Variants in PMM2 observed in about 807,000 individuals in gnomAD.
PMM2 encodes the protein phosphomannomutase 2, also known as mannose-6-phosphate isomerase.
Under a neutral mutation model 33.2 loss-of-function variants are expected in PMM2, and 35 were observed. The observed-to-expected ratio is 1.06, with a 90% CI of 0.81 to 1.40. PMM2 has a LOEUF of 1.40. Ranked by LOEUF, PMM2 falls within the 40% of genes most tolerant of loss-of-function variation. PMM2 has a pLI of 0.00. For synonymous variants in PMM2, 153 were observed against 114.7 expected (o/e 1.33, Z -2.13); for missense variants, 386 against 306.0 (o/e 1.26, Z -1.95).
At position 8,847,749 on chromosome 16, in the gene PMM2, C is replaced by G. The variant is rs993974593; in HGVS notation, c.665C>G (p.Thr222Arg). 1.9e-6 allele frequency: 3 copies of G among 1,613,874 alleles called. No individual in the cohort carries two copies. The highest frequency in any genetic ancestry group is 1.7e-6 in the Non-Finnish European group (2 of 1,179,774). ...GGTGGCAATGACCATGAGATCTTCACAGACCCCAGAACCATGGGCTACTCC... is the reference window on the plus strand; with the variant it reads ...GGTGGCAATGACCATGAGATCTTCAGAGACCCCAGAACCATGGGCTACTCC... Reference protein sequence around the residue: ...MPGGNDHEIFTDPRTMGYSVT... With the variant: ...MPGGNDHEIFRDPRTMGYSVT... Residue 222 changes from threonine (T) to arginine (R), a missense_variant, in exon 8 of 8, where the codon ACA becomes AGA. Physicochemically the swap from Thr to Arg is moderately conservative, Grantham distance 71 (BLOSUM62 -1). Transcript: ENST00000268261.
At position 8,802,067 on chromosome 16, in the gene PMM2, T is replaced by A. The variant is rs1413219525; in HGVS notation, c.178+157T>A. The A allele has an allele frequency of 6.3e-6, 4 of 631,856 alleles. No homozygotes were observed. In the East Asian group the frequency reaches 9.7e-5, roughly 15 times the overall value. The allele number at this position is 631,856 out of a possible 1,614,324, so 39.1% of individuals were successfully genotyped here. ...ATTTTCTTGGCCTTTGCTTTTCCTCTGCTTTTAATCCAGTACATTTCTGGA... is the reference window on the plus strand; with the variant it reads ...ATTTTCTTGGCCTTTGCTTTTCCTCAGCTTTTAATCCAGTACATTTCTGGA... On this transcript the variant is annotated intron_variant, in intron 2 of 7. Transcript: ENST00000268261.
chr16:8,802,694 A>G (rs940268384), intron 2 of PMM2, among the ~76,000 whole-genome samples: 5 of 151,980 alleles, frequency 3.3e-5, no homozygotes, highest in Non-Finnish European at 7.4e-5. Context: ...GCTGGGCGTG[A>G]TGACGGGCAC....
intron 7 of PMM2, among the ~76,000 whole-genome samples, chr16:8,825,795 G>C (rs1477903876): frequency 8.8e-6 from 1 of 113,022 alleles, no homozygotes; most frequent in Non-Finnish European, 1.7e-5. Flanking sequence ...TTGCTCCATT[G>C]CCCAGGCTGG....
intron 7 of PMM2, among the ~76,000 whole-genome samples, chr16:8,839,763 G>C (rs1341432020): frequency 6.6e-6 from 1 of 151,966 alleles, no homozygotes; most frequent in Non-Finnish European, 1.5e-5. Context: ...GGAACATCGA[G>C]AAGGTGAAAG....
intron 2 of PMM2, among the ~76,000 whole-genome samples, chr16:8,802,836 A>AC (rs983868087): frequency 4.0e-5 from 6 of 151,002 alleles, no homozygotes. Flanking sequence ...GTCTTGGAAA[A>AC]AAAAAAAAAT....
At chr16:8,842,675 A>G (rs2060897928) in intron 7 of PMM2, among the ~76,000 whole-genome samples, 1 of 152,238 alleles carries the variant, frequency 6.6e-6, no homozygotes, top group Admixed American at 6.5e-5. Context: ...AATTTGGTTG[A>G]TAAGGCGCAG....
At chr16:8,817,874 TA>T (rs1244746572) in intron 7 of PMM2, among the ~76,000 whole-genome samples, 1 of 151,918 alleles carries the variant, frequency 6.6e-6, no homozygotes, top group African/African-American at 2.4e-5. Context: ...ATTTTATTTT[TA>T]TCATATTAGT....
In PMM2 at chr16:8,848,015, T is replaced by C. The variant is rs2060939769; in HGVS notation, c.*190T>C. 8.3e-6 allele frequency: 5 copies of C among 601,786 alleles called. No homozygotes were observed. Among genetic ancestry groups the C allele is most frequent in the Non-Finnish European group, 1.5e-5 (5 of 333,648 alleles). The allele number at this position is 601,786 out of a possible 1,614,324, so 37.3% of individuals were successfully genotyped here. The stretch of plus-strand genomic sequence containing the variant: ...ACTTCCAGAAGGAAGGAGAAAACTC[T>C]TGTCAAGAATGGCCCAGAGGAATGC... On this transcript the variant is annotated 3_prime_UTR_variant, in exon 8 of 8. Transcript: ENST00000268261.
In PMM2 at chr16:8,847,915, C is replaced by G. The variant is rs1174833792; in HGVS notation, c.*90C>G. The stretch of plus-strand genomic sequence containing the variant: ...CGAGGGTCCTCCCACACGTGCTCAC[C>G]CACCCGCAGCCTAGGCAGGCTCTGC... On this transcript the variant is annotated 3_prime_UTR_variant, in exon 8 of 8. Coordinates refer to ENST00000268261, the MANE Select transcript of PMM2 (RefSeq NM_000303.3). The G allele has an allele frequency of 2.2e-6, 2 of 925,712 alleles. No individual in the cohort carries two copies. The highest frequency in any genetic ancestry group is 3.5e-6 in the Non-Finnish European group (2 of 578,908). The allele number at this position is 925,712 out of a possible 1,614,324, so 57.3% of individuals were successfully genotyped here.
chr16:8,833,101 T>A (rs911669860), intron 7 of PMM2, among the ~76,000 whole-genome samples: 5 of 152,192 alleles, frequency 3.3e-5, no homozygotes, highest in African/African-American at 1.2e-4. Flanking sequence ...ACATGGCTGT[T>A]TTTTTCACCT....
rs1173223456 is a variant in PMM2 at position 8,832,345 on chromosome 16, G to A, written c.640-15379G>A. 1.8e-5 allele frequency: 18 copies of A among 985,270 alleles called. No homozygotes were observed. In the Admixed American group the frequency reaches 2.5e-4, roughly 13 times the overall value. 61.0% of individuals were successfully genotyped at this position (985,270 alleles called of 1,614,324 possible). A position where few individuals can be genotyped will look rare whatever the true frequency, so the allele number is the denominator to read the frequency against. On this transcript the variant is annotated intron_variant, in intron 7 of 7. Transcript: ENST00000268261. ...CAGAGAGGCTCCTGCAGCCAGGGTC[G>A]GGAGGATTTCACCTTCCTGGATGGG...
At position 8,827,963 on chromosome 16, in the gene PMM2, T is replaced by TTATA. The variant is rs375365502; in HGVS notation, c.639+14868_639+14871dup. Among the ~76,000 whole-genome samples, 1,082 of 116,722 alleles carry TTATA rather than the reference T, an allele frequency of 9.3e-3. 27 individuals carry two copies. The highest frequency in any genetic ancestry group is 0.033 in the African/African-American group (1,015 of 30,726). 76.6% of individuals were successfully genotyped at this position (116,722 alleles called of 152,430 possible). ...TTTATAAATATATATATTTATAAAT[T>TTATA]TATATATATATATAAAACTTGGATA... On this transcript the variant is annotated intron_variant, in intron 7 of 7. Transcript: ENST00000268261.
chr16:8,822,222 G>A (rs190011313), intron 7 of PMM2, among the ~76,000 whole-genome samples: 7 of 152,320 alleles, frequency 4.6e-5, no homozygotes, highest in Admixed American at 4.6e-4. Context: ...GCTATCTTCT[G>A]TTCCTGGTGG....
intron 7 of PMM2, among the ~76,000 whole-genome samples, chr16:8,818,438 C>T (rs747743795): frequency 6.6e-6 from 1 of 152,212 alleles, no homozygotes. Context: ...GTTCTTGAAA[C>T]TTCAGGTGCA....
At chr16:8,835,591 A>T (rs1369830726) in intron 7 of PMM2, among the ~76,000 whole-genome samples, 1 of 151,648 alleles carries the variant, frequency 6.6e-6, no homozygotes, top group African/African-American at 2.4e-5. Flanking sequence ...CACGGGGTGG[A>T]TAGGCAAAAC....
intron 1 of PMM2, among the ~76,000 whole-genome samples, chr16:8,801,418 C>T (rs1225060384): frequency 6.6e-6 from 1 of 152,200 alleles, no homozygotes; most frequent in Non-Finnish European, 1.5e-5. Context: ...TACCTGTAAT[C>T]TCAGCACTTT....
At chr16:8,803,225 G>T (rs1344599524) in intron 2 of PMM2, among the ~76,000 whole-genome samples, 1 of 152,210 alleles carries the variant, frequency 6.6e-6, no homozygotes, top group Admixed American at 6.5e-5. Flanking sequence ...ATTACTAGAA[G>T]AGTAATCTCT....
At chr16:8,805,576 C>T (rs2060642818) in intron 3 of PMM2, among the ~76,000 whole-genome samples, 1 of 151,496 alleles carries the variant, frequency 6.6e-6, no homozygotes, top group South Asian at 2.1e-4. Context: ...CAGACTGCTT[C>T]ACTATAAGCA....
intron 7 of PMM2, among the ~76,000 whole-genome samples, chr16:8,827,848 AATATATATGTTATATATT>A (rs1263007595): frequency 1.6e-4 from 11 of 69,918 alleles, no homozygotes; most frequent in South Asian, 9.9e-4. Flanking sequence ...TATAATATAT[AATATATATGTTATATATT>A]ATATATATGT....
Sources: gnomAD v4.1 joint callset for allele counts (sites outside exome capture counted in the v4.1 genomes callset) on GRCh38, gnomAD v4.1.1 for gene constraint, MANE v1.5 for transcripts, NCBI Gene and HGNC (gene_info 2026-07-23, HGNC 2026-07-21) for gene names.